SEPTIN9: variants seen among roughly 807,000 people sequenced by gnomAD.
The protein encoded by SEPTIN9 is septin 9, also known as septin-9.
Under a neutral mutation model 56.6 loss-of-function variants are expected in SEPTIN9, and 13 were observed. The observed-to-expected ratio is 0.23, with a 90% CI of 0.15 to 0.37. The LOEUF (loss-of-function observed/expected upper bound fraction) is 0.37, where lower values mean the gene tolerates loss of function less well. Among genes scored for constraint, SEPTIN9 ranks in the 10% least tolerant of loss-of-function variants. The probability of loss-of-function intolerance (pLI) is 1.00; values close to 1 mark genes in which losing one functional copy is unlikely to be tolerated. For synonymous variants in SEPTIN9, 332 were observed against 334.1 expected (o/e 0.99, Z 0.07); for missense variants, 650 against 823.1 (o/e 0.79, Z 2.57).
At position 77,323,805 on chromosome 17, in the gene SEPTIN9, C is replaced by G. The variant is rs1193148824; in HGVS notation, c.76+16608C>G. ...AACCTCTCCAGCTCTGCTTTTCCAT[C>G]TCCGAGGTGAGAGGCCTGGCCTGAC... On this transcript the variant is annotated intron_variant, in intron 2 of 11. Coordinates refer to ENST00000427177, the MANE Select transcript of SEPTIN9 (RefSeq NM_001113491.2). The surrounding 1 kb of genome is among the most constrained non-coding windows in gnomAD (Gnocchi z 6.8). The G allele has an allele frequency of 1.3e-5, 2 of 152,396 alleles. No homozygotes were observed. Among genetic ancestry groups the G allele is most frequent in the African/African-American group, 4.8e-5 (2 of 41,458 alleles). 9.4% of individuals were successfully genotyped at this position (152,396 alleles called of 1,614,324 possible). A position where few individuals can be genotyped will look rare whatever the true frequency, so the allele number is the denominator to read the frequency against.
chr17:77,453,605 C>CAA lies in SEPTIN9; in HGVS notation c.722-28523_722-28522dup, dbSNP rs35634675. ...GGGCAACAAGAGTGAAACTCTGTCT[C>CAA]AAAAAAAAAAAAAAAAAGCCTTATC... On this transcript the variant is annotated intron_variant, in intron 3 of 11. Transcript: ENST00000427177. The surrounding 1 kb of genome is among the most constrained non-coding windows in gnomAD (Gnocchi z 4.4). 1.7e-4 allele frequency among the ~76,000 whole-genome samples: 14 copies of CAA among 81,148 alleles called. No individual in the cohort carries two copies. The highest frequency in any genetic ancestry group is 4.7e-4 in the African/African-American group (11 of 23,550). 53.2% of individuals were successfully genotyped at this position (81,148 alleles called of 152,430 possible).
intron 2 of SEPTIN9, among the ~76,000 whole-genome samples, chr17:77,377,616 G>C (rs1324489998): frequency 2.0e-4 from 31 of 152,150 alleles, no homozygotes; most frequent in Admixed American, 2.0e-3. Flanking sequence ...CTGTGTTCTG[G>C]AGGCAGAGCA....
rs11868608 is a variant in SEPTIN9 at position 77,405,071 on chromosome 17, C to T, written c.721+2368C>T. 5.6e-5 allele frequency: 86 copies of T among 1,534,588 alleles called. No individual in the cohort carries two copies. The highest frequency in any genetic ancestry group is 2.2e-4 in the African/African-American group (16 of 73,104). ...ATGTGGCTGGGGAGGCGGTTGTCAC[C>T]GAGCCATCTAAATCTCGGTGATGGC... is the stretch of plus-strand genomic sequence containing the variant. On this transcript the variant is annotated intron_variant, in intron 3 of 11. Transcript: ENST00000427177. This position sits in a 1 kb window ranked among gnomAD's most constrained non-coding sequence, Gnocchi z 5.8.
Position 77,445,099 on chromosome 17 carries a change from A to G in SEPTIN9, c.722-37045A>G, listed in dbSNP as rs1307357223. 4.4e-6 allele frequency: 2 copies of G among 451,140 alleles called. No homozygotes were observed. Among genetic ancestry groups the G allele is most frequent in the African/African-American group, 4.1e-5 (2 of 49,382 alleles). The allele number at this position is 451,140 out of a possible 1,614,324, so 27.9% of individuals were successfully genotyped here. ...TCTGTCCCACCATGCCTGCCTGGGG[A>G]CGGCCTTCACTCGGGCTACTCAGGG... On this transcript the variant is annotated intron_variant, in intron 3 of 11. Coordinates refer to ENST00000427177, the MANE Select transcript of SEPTIN9 (RefSeq NM_001113491.2). This position sits in a 1 kb window ranked among gnomAD's most constrained non-coding sequence, Gnocchi z 4.7.
At chr17:77,398,353 G>T (rs995966509) in intron 2 of SEPTIN9, among the ~76,000 whole-genome samples, 11 of 152,204 alleles carry the variant, frequency 7.2e-5, no homozygotes, top group South Asian at 2.1e-4. Context: ...TCTGTTCCCG[G>T]GGAGCCGGAA....
At position 77,296,375 on chromosome 17, in the gene SEPTIN9, G is replaced by A. The variant is rs1156843525; in HGVS notation, c.20-10766G>A. On this transcript the variant is annotated intron_variant, in intron 1 of 11. Coordinates refer to ENST00000427177, the MANE Select transcript of SEPTIN9 (RefSeq NM_001113491.2). ...TGGATGGCTAGATAGACAGACAAGC[G>A]GACAGAGAGAGAGAGAGACAGGCAG... 8.5e-5 allele frequency among the ~76,000 whole-genome samples: 13 copies of A among 152,190 alleles called. No homozygotes were observed. In the East Asian group the frequency reaches 2.1e-3, roughly 25 times the overall value.
intron 2 of SEPTIN9, chr17:77,373,666 C>T (rs1204848407): frequency 2.8e-6 from 4 of 1,454,318 alleles, no homozygotes; most frequent in African/African-American, 3.0e-5. Context: ...TGAGGGGAGA[C>T]GGGACCCCTA....
In SEPTIN9 at chr17:77,488,807, G is replaced by A. The variant is rs756011135; in HGVS notation, c.1205G>A (p.Arg402His). ...GAGGTCAACATCAACCGCAAGAAGCGCATCCCGGACACCCGCGTCCACTGC... is the reference window on the plus strand; with the variant it reads ...GAGGTCAACATCAACCGCAAGAAGCACATCCCGGACACCCGCGTCCACTGC... The part of the protein sequence containing the change: ...QEEVNINRKK[R>H]IPDTRVHCCL... The change falls in exon 7 of 12, where the codon CGC becomes CAC. Residue 402 changes from arginine to histidine, a missense_variant. Around this residue, in one of 2 missense-constraint regions of SEPTIN9, gnomAD observed 333 missense variants for 494.0 expected, o/e 0.67. Coordinates refer to ENST00000427177, the MANE Select transcript of SEPTIN9 (RefSeq NM_001113491.2). The A allele has an allele frequency of 2.0e-5, 32 of 1,613,664 alleles. No individual in the cohort carries two copies. The highest frequency in any genetic ancestry group is 4.0e-5 in the African/African-American group (3 of 74,910).
chr17:77,401,344 A>G (rs1219236338), intron 2 of SEPTIN9, among the ~76,000 whole-genome samples: 1 of 152,020 alleles, frequency 6.6e-6, no homozygotes, highest in Admixed American at 6.6e-5. Flanking sequence ...GTCACTTATT[A>G]TTGGAGGCAT....
At chr17:77,288,048 C>T in intron 1 of SEPTIN9, 2 of 1,062,856 alleles carry the variant, frequency 1.9e-6, no homozygotes, top group Non-Finnish European at 2.3e-6. Flanking sequence ...TGTGGGTCCC[C>T]AGAAGTGCTG....
intron 2 of SEPTIN9, among the ~76,000 whole-genome samples, chr17:77,349,153 G>A (rs147780967): frequency 3.3e-5 from 5 of 151,982 alleles, no homozygotes; most frequent in African/African-American, 9.7e-5. Flanking sequence ...AGGCTACAGT[G>A]CAATGGTGTG....
rs8070026 is a variant in SEPTIN9 at position 77,281,529 on chromosome 17, A to C, written c.-7A>C. The C allele has an allele frequency of 0.093, 143,855 of 1,548,048 alleles. 9,435 individuals carry two copies. Among genetic ancestry groups the C allele is most frequent in the African/African-American group, 0.34 (24,788 of 72,090 alleles). On this transcript the variant is annotated 5_prime_UTR_variant, in exon 1 of 12. Coordinates refer to ENST00000427177, the MANE Select transcript of SEPTIN9 (RefSeq NM_001113491.2). ...ACTTTCCTGGGAGCGGCGGCCACGG[A>C]GGCACCATGAAGAAGTCTTACTCAG...
chr17:77,419,314 G>A (rs767900830), intron 3 of SEPTIN9, among the ~76,000 whole-genome samples: 107 of 152,002 alleles, frequency 7.0e-4, no homozygotes, highest in African/African-American at 1.4e-3. Flanking sequence ...TTTCAGGACC[G>A]GAGTGGCAAC....
chr17:77,298,994 AG>A (rs2031927265), intron 1 of SEPTIN9, among the ~76,000 whole-genome samples: 1 of 151,970 alleles, frequency 6.6e-6, no homozygotes, highest in Non-Finnish European at 1.5e-5. Context: ...TGGCTTTAAA[AG>A]CTCCTCACTC....
chr17:77,461,635 T>G (rs2038478352), intron 3 of SEPTIN9, among the ~76,000 whole-genome samples: 2 of 152,278 alleles, frequency 1.3e-5, no homozygotes, highest in South Asian at 4.1e-4. Flanking sequence ...TTTTAAAATC[T>G]ACAGTTCAAT....
Position 77,389,114 on chromosome 17 carries a change from C to G in SEPTIN9, c.77-12945C>G, listed in dbSNP as rs1321558943. 6.6e-6 allele frequency among the ~76,000 whole-genome samples: 1 copy of G among 152,136 alleles called. No homozygotes were observed. Among genetic ancestry groups the G allele is most frequent in the African/African-American group, 2.4e-5 (1 of 41,438 alleles). On this transcript the variant is annotated intron_variant, in intron 2 of 11. Coordinates refer to ENST00000427177, the MANE Select transcript of SEPTIN9 (RefSeq NM_001113491.2). This position sits in a 1 kb window ranked among gnomAD's most constrained non-coding sequence, Gnocchi z 4.3. ...CCTGGTCCCCGGCAGAGCTTCCCAT[C>G]CATGGGAAGAAGCACCGAGCAGCCT...
intron 2 of SEPTIN9, among the ~76,000 whole-genome samples, chr17:77,355,152 G>A (rs28633701): frequency 0.094 from 14,366 of 152,220 alleles, 1,083 homozygotes; most frequent in East Asian, 0.35. Flanking sequence ...ATGTCCCATT[G>A]TGTGACTCAG....
rs190541658 is a variant in SEPTIN9 at position 77,310,716 on chromosome 17, G to T, written c.76+3519G>T. On this transcript the variant is annotated intron_variant, in intron 2 of 11. Coordinates refer to ENST00000427177, the MANE Select transcript of SEPTIN9 (RefSeq NM_001113491.2). This position sits in a 1 kb window ranked among gnomAD's most constrained non-coding sequence, Gnocchi z 4.7. The stretch of plus-strand genomic sequence containing the variant: ...CTCATTTTCTGTGCCTCAGGCAGCC[G>T]CCTCTCTGACTGAGCGTCCAGCGGA... Among the ~76,000 whole-genome samples the T allele has an allele frequency of 3.9e-5, 6 of 152,226 alleles. No homozygotes were observed. The East Asian group carries it at 1.2e-3, about 29-fold the overall frequency.
At position 77,492,264 on chromosome 17, in the gene SEPTIN9, C is replaced by T. The variant is rs2040063016; in HGVS notation, c.1381-357C>T. 6.6e-6 allele frequency among the ~76,000 whole-genome samples: 1 copy of T among 152,152 alleles called. No homozygotes were observed. Among genetic ancestry groups the T allele is most frequent in the African/African-American group, 2.4e-5 (1 of 41,442 alleles). On this transcript the variant is annotated intron_variant, in intron 8 of 11. Coordinates refer to ENST00000427177, the MANE Select transcript of SEPTIN9 (RefSeq NM_001113491.2). This position sits in a 1 kb window ranked among gnomAD's most constrained non-coding sequence, Gnocchi z 5.4. ...ACTGCAGGCGGGGCCCCTGCTGGAA[C>T]TGGGGACTGTGACGAGGGTTTTTTA...
Sources: gnomAD v4.1 joint callset for allele counts (sites outside exome capture counted in the v4.1 genomes callset) on GRCh38, gnomAD v4.1.1 for gene constraint, gnomAD v4.1.1 regional missense constraint, Gnocchi (gnomAD v3.1) non-coding constraint, MANE v1.5 for transcripts, NCBI Gene and HGNC (gene_info 2026-07-23, HGNC 2026-07-21) for gene names.